Variants in RPS6KC1 observed in about 807,000 individuals in gnomAD.
RPS6KC1 encodes the protein inactive ribosomal protein S6 kinase delta-1.
A neutral mutation model predicts 103.8 loss-of-function variants in RPS6KC1; 54 were observed. The observed-to-expected ratio is 0.52, with a 90% CI of 0.42 to 0.65. The LOEUF is 0.65. RPS6KC1 is among the 30% of genes least tolerant of loss of function. The pLI is 0.00. For missense variants in RPS6KC1, 1,151 were observed against 1,253.8 expected (o/e 0.92, Z 1.24); for synonymous variants, 439 against 438.7 (o/e 1.00, Z -0.01).
the RPS6KC1 span, among the ~76,000 whole-genome samples, chr1:213,650,451 T>C: frequency 1.3e-5 from 2 of 152,214 alleles, no homozygotes; most frequent in Non-Finnish European, 2.9e-5. Flanking sequence ...ACATTGCTCA[T>C]GGAGGCACAA....
intron 14 of RPS6KC1, among the ~76,000 whole-genome samples, chr1:213,268,731 T>G (rs1270688947): frequency 6.6e-6 from 1 of 151,410 alleles, no homozygotes; most frequent in Non-Finnish European, 1.5e-5. Context: ...GCAAAGTTTC[T>G]ACCTTTTGCT....
intron 6 of RPS6KC1, among the ~76,000 whole-genome samples, chr1:213,163,375 G>A (rs1413142682): frequency 6.6e-6 from 1 of 152,212 alleles, no homozygotes; most frequent in African/African-American, 2.4e-5. Flanking sequence ...ATAATAAAAT[G>A]TGACTAAGTA....
chr1:213,580,954 A>G, the RPS6KC1 span, among the ~76,000 whole-genome samples: 463 of 152,108 alleles, frequency 3.0e-3, 3 homozygotes, highest in African/African-American at 0.011. Flanking sequence ...CTGTATCTCC[A>G]AAGTATGCCT....
At chr1:213,849,618 T>A in the RPS6KC1 span, among the ~76,000 whole-genome samples, 1 of 152,164 alleles carries the variant, frequency 6.6e-6, no homozygotes, top group Non-Finnish European at 1.5e-5. Context: ...GTAGGTAAAG[T>A]TATAATAATT....
At chr1:213,680,554 C>T in the RPS6KC1 span, among the ~76,000 whole-genome samples, 4 of 152,132 alleles carry the variant, frequency 2.6e-5, no homozygotes, top group African/African-American at 9.7e-5. Flanking sequence ...GGGGACAGCT[C>T]ACTCTCTTCA....
At chr1:213,108,766 C>T (rs1222684307) in intron 4 of RPS6KC1, among the ~76,000 whole-genome samples, 1 of 151,856 alleles carries the variant, frequency 6.6e-6, no homozygotes, top group Non-Finnish European at 1.5e-5. Context: ...AGGGATCCTC[C>T]CACCTCAGCC....
At chr1:213,576,928 G>C in the RPS6KC1 span, among the ~76,000 whole-genome samples, 2 of 152,204 alleles carry the variant, frequency 1.3e-5, no homozygotes, top group South Asian at 4.1e-4. Flanking sequence ...TGATAAGAAA[G>C]TGAAACAGCC....
the RPS6KC1 span, among the ~76,000 whole-genome samples, chr1:213,636,096 C>T: frequency 6.6e-6 from 1 of 152,212 alleles, no homozygotes; most frequent in African/African-American, 2.4e-5. Context: ...GAACTACAAA[C>T]CACTGCTCAA....
intron 8 of RPS6KC1, among the ~76,000 whole-genome samples, chr1:213,184,330 C>T (rs1252626904): frequency 1.3e-5 from 2 of 151,880 alleles, no homozygotes; most frequent in East Asian, 3.9e-4. Flanking sequence ...GTATAGAAAC[C>T]TTCAACAAAA....
Position 213,241,056 on chromosome 1 carries a change from G to C in RPS6KC1, c.1580G>C (p.Gly527Ala). The change falls in exon 11 of 15, where the codon GGG becomes GCG. Residue 527 changes from glycine to alanine, a missense_variant. Gly to Ala is a moderately conservative substitution (Grantham distance 60). Transcript: ENST00000366960. Reference sequence around the variant, plus strand: ...TATGGGCAAGAAAAGATTGAACCAGGGTCTTTGAATGAGGAGCCCTTCATG... The same window carrying C: ...TATGGGCAAGAAAAGATTGAACCAGCGTCTTTGAATGAGGAGCCCTTCATG... The part of the protein sequence containing the change: ...NEYGQEKIEP[G>A]SLNEEPFMKT... 1 of 1,613,398 alleles carries C rather than the reference G, an allele frequency of 6.2e-7. No homozygotes were observed. Among genetic ancestry groups the C allele is most frequent in the Non-Finnish European group, 8.5e-7 (1 of 1,179,902 alleles).
At chr1:213,807,450 C>G in the RPS6KC1 span, among the ~76,000 whole-genome samples, 15 of 152,314 alleles carry the variant, frequency 9.8e-5, no homozygotes, top group East Asian at 2.7e-3. Context: ...TTCATATAGT[C>G]CCATATTTCT....
chr1:213,263,873 A>G (rs2094855226), intron 14 of RPS6KC1, among the ~76,000 whole-genome samples: 1 of 152,154 alleles, frequency 6.6e-6, no homozygotes. Flanking sequence ...TGGTAGTATT[A>G]GGGGAAGTTT....
chr1:213,338,964 T>C, the RPS6KC1 span, among the ~76,000 whole-genome samples: 1 of 152,064 alleles, frequency 6.6e-6, no homozygotes, highest in Admixed American at 6.6e-5. Flanking sequence ...GCTAGCTTAG[T>C]AGAAGATGAC....
At chr1:213,710,728 C>T in the RPS6KC1 span, among the ~76,000 whole-genome samples, 4 of 152,156 alleles carry the variant, frequency 2.6e-5, no homozygotes, top group Admixed American at 1.3e-4. Flanking sequence ...AAAAATCCCT[C>T]AGCATTTTCT....
At chr1:213,090,738 G>A (rs1175581776) in intron 3 of RPS6KC1, among the ~76,000 whole-genome samples, 1 of 152,056 alleles carries the variant, frequency 6.6e-6, no homozygotes, top group Non-Finnish European at 1.5e-5. Flanking sequence ...AGACTTCAAA[G>A]GACTGTTGTT....
chr1:213,348,558 G>A, the RPS6KC1 span, among the ~76,000 whole-genome samples: 22 of 152,236 alleles, frequency 1.4e-4, no homozygotes, highest in Admixed American at 4.6e-4. Flanking sequence ...TGCAAAAAAC[G>A]TGGGACTTAG....
At chr1:213,395,635 A>G in the RPS6KC1 span, among the ~76,000 whole-genome samples, 1 of 152,164 alleles carries the variant, frequency 6.6e-6, no homozygotes, top group Non-Finnish European at 1.5e-5. Flanking sequence ...GCCATTGCCA[A>G]TTTCTGTAGT....
the RPS6KC1 span, among the ~76,000 whole-genome samples, chr1:213,804,663 C>A: frequency 2.6e-5 from 4 of 152,312 alleles, no homozygotes; most frequent in East Asian, 7.7e-4. Flanking sequence ...TGTTGTCTAT[C>A]TCCCCCAGTA....
the RPS6KC1 span, among the ~76,000 whole-genome samples, chr1:213,779,723 G>A: frequency 1.3e-5 from 2 of 152,204 alleles, no homozygotes; most frequent in Non-Finnish European, 2.9e-5. Context: ...TCAAGTTGAT[G>A]ACTTGTTATA....
Sources: allele counts gnomAD v4.1 joint callset (sites outside exome capture counted in the v4.1 genomes callset), GRCh38; gene constraint gnomAD v4.1.1; transcripts MANE v1.5; gene names NCBI Gene and HGNC (gene_info 2026-07-23, HGNC 2026-07-21).